ERCC1: variants seen among roughly 807,000 people sequenced by gnomAD.
ERCC1 encodes DNA excision repair protein ERCC-1.
In ERCC1, 36 loss-of-function variants were observed where a neutral mutation model predicts 37.6. That is an observed-to-expected ratio of 0.96 (90% CI 0.73 to 1.26). The LOEUF is 1.26. Among genes scored for constraint, ERCC1 ranks in the 50% most tolerant of loss-of-function variants. The pLI is 0.00. For synonymous variants in ERCC1, 156 were observed against 162.1 expected (o/e 0.96, Z 0.28); for missense variants, 349 against 376.5 (o/e 0.93, Z 0.60).
chr19:45,421,534 A>T, intron 2 of ERCC1, 141 bp from the exon 3 acceptor site: 1 of 602,712 alleles, frequency 1.7e-6, no homozygotes, highest in Non-Finnish European at 2.8e-6. Flanking sequence ...TAGTGGCACT[A>T]TCTTGGCTCA....
At position 45,420,555 on chromosome 19, in the gene ERCC1, C is replaced by T; in HGVS notation, c.322-128G>A. 1.4e-6 allele frequency: 1 copy of T among 703,726 alleles called. No homozygotes were observed. The highest frequency in any genetic ancestry group is 2.6e-6 in the Non-Finnish European group (1 of 386,060). The allele number at this position is 703,726 out of a possible 1,614,324, so 43.6% of individuals were successfully genotyped here. ...TCCCACACCTCCTGCCTCCTCGCAC[C>T]TCTTCCCACACCTCCTCCCTCCTCC... is the stretch of plus-strand genomic sequence containing the variant. On this transcript the variant is annotated intron_variant, in intron 3 of 9. Coordinates refer to ENST00000300853, the MANE Select transcript of ERCC1 (RefSeq NM_001983.4). This position sits in a 1 kb window ranked among gnomAD's most constrained non-coding sequence, Gnocchi z 4.8.
At chr19:45,418,403 C>G in intron 5 of ERCC1, among the ~76,000 whole-genome samples, 1 of 152,068 alleles carries the variant, frequency 6.6e-6, no homozygotes, top group East Asian at 1.9e-4. Flanking sequence ...TGGTGTCATC[C>G]CAGTTGCTCG....
intron 1 of ERCC1, among the ~76,000 whole-genome samples, chr19:45,433,517 G>A (rs1170989961): frequency 2.7e-5 from 4 of 149,398 alleles, no homozygotes; most frequent in Admixed American, 6.6e-5. Context: ...CAGAGTGAGA[G>A]TCCATCTCAA....
intron 5 of ERCC1, among the ~76,000 whole-genome samples, chr19:45,417,256 C>G (rs1974120416): frequency 6.6e-6 from 1 of 152,200 alleles, no homozygotes; most frequent in African/African-American, 2.4e-5. Flanking sequence ...ACAGCCCTGA[C>G]TCTGCCCTCC....
chr19:45,421,086 T>G, intron 3 of ERCC1, 92 bp downstream of exon 3: 1 of 1,056,250 alleles, frequency 9.5e-7, no homozygotes. Flanking sequence ...ACAAAGTGGC[T>G]GGAACTCAGA....
chr19:45,433,163 G>T (rs372736035), intron 1 of ERCC1, among the ~76,000 whole-genome samples: 5 of 152,174 alleles, frequency 3.3e-5, no homozygotes, highest in African/African-American at 9.7e-5. Context: ...AACAAGGCAG[G>T]CAGATCACTT....
chr19:45,420,746 G>A lies in ERCC1; in HGVS notation c.322-319C>T, dbSNP rs1299427761. 2.6e-5 allele frequency among the ~76,000 whole-genome samples: 4 copies of A among 152,172 alleles called. No individual in the cohort carries two copies. The highest frequency in any genetic ancestry group is 2.1e-4 in the South Asian group (1 of 4,828). On this transcript the variant is annotated intron_variant, in intron 3 of 9. Transcript: ENST00000300853. The surrounding 1 kb of genome is among the most constrained non-coding windows in gnomAD (Gnocchi z 4.8). ...CCCTCTCCCTCCAGCCCCAGTCTGC[G>A]TGTCCTGTGGTCCTGAACACTTCCT...
chr19:45,429,502 G>A (rs1464030602), intron 1 of ERCC1, among the ~76,000 whole-genome samples: 3 of 152,004 alleles, frequency 2.0e-5, no homozygotes, highest in Non-Finnish European at 2.9e-5. Flanking sequence ...AAGACAGAAT[G>A]GAGGACCTAT....
chr19:45,445,096 A>C (rs1389870527), intron 1 of ERCC1, among the ~76,000 whole-genome samples: 1 of 152,152 alleles, frequency 6.6e-6, no homozygotes, highest in Non-Finnish European at 1.5e-5. Context: ...GGCTCACTGC[A>C]ACCTCCGCCT....
In ERCC1 at chr19:45,413,961, A is replaced by C. The variant is rs776130903; in HGVS notation, c.774+2T>G. The stretch of plus-strand genomic sequence containing the variant: ...CTATGGGGCAGGGGAGCCATTCCTT[A>C]CTCCAAATGTGGTCAGGAGGGTCTG... On this transcript the variant is annotated splice_donor_variant, in intron 8 of 9. Coordinates refer to ENST00000300853, the MANE Select transcript of ERCC1 (RefSeq NM_001983.4). LOFTEE classifies it high-confidence loss of function. 1 of 1,613,052 alleles carries C rather than the reference A, an allele frequency of 6.2e-7. No homozygotes were observed. The highest frequency in any genetic ancestry group is 1.1e-5 in the South Asian group (1 of 91,050).
intron 7 of ERCC1, chr19:45,414,497 A>G (rs1813779807): frequency 2.9e-6 from 1 of 344,688 alleles, no homozygotes; most frequent in Non-Finnish European, 5.5e-6. Context: ...AAAAGGAATT[A>G]GGCAGGTAAT....
chr19:45,410,113 T>A (rs1973620909), intron 9 of ERCC1: 1 of 155,634 alleles, frequency 6.4e-6, no homozygotes, highest in Non-Finnish European at 1.4e-5. Flanking sequence ...GGTCTCGATC[T>A]CCTGACCTCC....
Position 45,423,835 on chromosome 19 carries a change from G to A in ERCC1, c.-62C>T, listed in dbSNP as rs1974592218. On this transcript the variant is annotated 5_prime_UTR_variant, in exon 1 of 10. Transcript: ENST00000300853. Reference sequence around the variant, plus strand: ...CGCGAGGCCTCACCTGCTGGTCTTGGAGCCTCAAGGGAAAGACTGCAGAGG... The same window carrying A: ...CGCGAGGCCTCACCTGCTGGTCTTGAAGCCTCAAGGGAAAGACTGCAGAGG... 7 of 1,137,630 alleles carry A rather than the reference G, an allele frequency of 6.2e-6. No homozygotes were observed. Among genetic ancestry groups the A allele is most frequent in the Non-Finnish European group, 6.5e-6 (6 of 919,504 alleles). 70.5% of individuals were successfully genotyped at this position (1,137,630 alleles called of 1,614,324 possible).
chr19:45,413,916 A>G (rs1487751698), intron 8 of ERCC1, 47 bp downstream of exon 8: 2 of 1,596,306 alleles, frequency 1.3e-6, no homozygotes, highest in East Asian at 4.5e-5. Flanking sequence ...TTTCTAAAAA[A>G]GGCAAGGGGA....
intron 9 of ERCC1, among the ~76,000 whole-genome samples, chr19:45,411,645 C>T (rs1973742314): frequency 6.6e-6 from 1 of 151,734 alleles, no homozygotes; most frequent in African/African-American, 2.4e-5. Context: ...AATACAAAAA[C>T]TAGCTGGGCA....
intron 1 of ERCC1, among the ~76,000 whole-genome samples, chr19:45,430,378 C>T (rs1184558996): frequency 2.0e-5 from 3 of 152,176 alleles, no homozygotes; most frequent in East Asian, 1.9e-4. Flanking sequence ...TTATTATCAC[C>T]GCCATCCCTA....
upstream of ERCC1, among the ~76,000 whole-genome samples, chr19:45,427,455 C>CAAA (rs35190442): frequency 0.012 from 1,708 of 147,708 alleles, 31 homozygotes; most frequent in African/African-American, 0.039. Flanking sequence ...CTAAAAAATA[C>CAAA]AAAAAAAAAA....
At chr19:45,446,508 C>T (rs1359412325) in intron 1 of ERCC1, among the ~76,000 whole-genome samples, 1 of 152,170 alleles carries the variant, frequency 6.6e-6, no homozygotes, top group Admixed American at 6.6e-5. Flanking sequence ...CCAAAGAGGT[C>T]GCTTAACTTG....
At chr19:45,416,684 A>C in intron 6 of ERCC1, 137 bp downstream of exon 6, 1 of 679,788 alleles carries the variant, frequency 1.5e-6, no homozygotes, top group Non-Finnish European at 2.6e-6. Context: ...AGATGAGGAA[A>C]CTGAAGGCCA....
Sources: gnomAD v4.1 joint callset for allele counts (sites outside exome capture counted in the v4.1 genomes callset) on GRCh38, gnomAD v4.1.1 for gene constraint, Gnocchi (gnomAD v3.1) non-coding constraint, MANE v1.5 for transcripts, NCBI Gene and HGNC (gene_info 2026-07-23, HGNC 2026-07-21) for gene names.